Variants in ELAVL2 observed in about 807,000 individuals in gnomAD.
ELAVL2 encodes the protein ELAV-like protein 2.
Under a neutral mutation model 34.6 loss-of-function variants are expected in ELAVL2, and 4 were observed. The ratio of observed to expected loss-of-function variants is 0.12; its 90% confidence interval spans 0.06 to 0.26. ELAVL2 has a LOEUF of 0.26. Ranked by LOEUF, ELAVL2 falls within the 10% of genes least tolerant of loss-of-function variation. The probability of loss-of-function intolerance (pLI) is 1.00; values close to 1 mark genes in which losing one functional copy is unlikely to be tolerated. For synonymous variants in ELAVL2, 193 were observed against 154.8 expected (o/e 1.25, Z -1.83); for missense variants, 432 against 442.8 (o/e 0.98, Z 0.22).
At chr9:23,719,964 T>TACA (rs2043247156) in intron 3 of ELAVL2, among the ~76,000 whole-genome samples, 1 of 151,602 alleles carries the variant, frequency 6.6e-6, no homozygotes, top group African/African-American at 2.4e-5. Flanking sequence ...TAGCTGGGTT[T>TACA]ACAGGCACCT....
intron 1 of ELAVL2, among the ~76,000 whole-genome samples, chr9:23,799,244 CAAGCG>C (rs2061315148): frequency 6.6e-6 from 1 of 152,136 alleles, no homozygotes; most frequent in Admixed American, 6.5e-5. Context: ...GACTTCTTAA[CAAGCG>C]AAGTCAGGAG....
chr9:23,777,290 G>C (rs1292792877), intron 1 of ELAVL2, among the ~76,000 whole-genome samples: 1 of 152,044 alleles, frequency 6.6e-6, no homozygotes, highest in Non-Finnish European at 1.5e-5. Context: ...TCTTCTAAAG[G>C]GAACCATGAC....
intron 3 of ELAVL2, among the ~76,000 whole-genome samples, chr9:23,724,214 C>G (rs1329115326): frequency 6.6e-6 from 1 of 152,166 alleles, no homozygotes; most frequent in Non-Finnish European, 1.5e-5. Context: ...CCATCACTAT[C>G]CACTGTGTGG....
the ELAVL2 span, among the ~76,000 whole-genome samples, chr9:23,836,157 G>T: frequency 6.6e-6 from 1 of 152,186 alleles, no homozygotes; most frequent in African/African-American, 2.4e-5. Context: ...TGAAGATACT[G>T]TCGTAATAGA....
In ELAVL2 at chr9:23,704,918, C is replaced by G; in HGVS notation, c.487G>C (p.Gly163Arg). The G allele has an allele frequency of 6.2e-7, 1 of 1,613,990 alleles. No individual in the cohort carries two copies. Among genetic ancestry groups the G allele is most frequent in the African/African-American group, 1.3e-5 (1 of 75,010 alleles). ...TSRILVDQVT[G>R]ISRGVGFIRF... ...CTGTCCGGAGTGGCTGTCTACTTAC[C>G]AGTGACCTGGTCGACAAGAATACGA... Residue 163 changes from glycine to arginine, a missense_variant and splice_region_variant, in exon 4 of 7, where the codon GGC (glycine) becomes CGC (arginine). Coordinates refer to ENST00000397312, the MANE Select transcript of ELAVL2 (RefSeq NM_004432.5).
chr9:23,701,305 A>T, intron 5 of ELAVL2, 74 bp downstream of exon 5: 1 of 1,496,278 alleles, frequency 6.7e-7, no homozygotes, highest in East Asian at 2.3e-5. Flanking sequence ...TCCTGTCAAT[A>T]AAAGTACTGG....
intron 3 of ELAVL2, among the ~76,000 whole-genome samples, chr9:23,720,396 C>T (rs2043372427): frequency 6.7e-6 from 1 of 149,944 alleles, no homozygotes; most frequent in South Asian, 2.1e-4. Flanking sequence ...CAAGCTGATC[C>T]TGAACTTCTG....
intron 1 of ELAVL2, among the ~76,000 whole-genome samples, chr9:23,784,768 C>T (rs990433372): frequency 2.0e-5 from 3 of 152,190 alleles, no homozygotes; most frequent in Non-Finnish European, 2.9e-5. Flanking sequence ...CATTACATCA[C>T]ACTGCCAATT....
chr9:23,773,873 T>C (rs2057736094), intron 1 of ELAVL2, among the ~76,000 whole-genome samples: 1 of 152,138 alleles, frequency 6.6e-6, no homozygotes, highest in Non-Finnish European at 1.5e-5. Flanking sequence ...ATTATCATTA[T>C]TGCTGGACAA....
At position 23,721,297 on chromosome 9, in the gene ELAVL2, G is replaced by A. The variant is rs142235855; in HGVS notation, c.333+9725C>T. Among the ~76,000 whole-genome samples, 485 of 152,316 alleles carry A rather than the reference G, an allele frequency of 3.2e-3. 2 individuals are homozygous for A. Among genetic ancestry groups the A allele is most frequent in the African/African-American group, 0.011 (445 of 41,566 alleles). On this transcript the variant is annotated intron_variant, in intron 3 of 6. Coordinates refer to ENST00000397312, the MANE Select transcript of ELAVL2 (RefSeq NM_004432.5). The stretch of plus-strand genomic sequence containing the variant: ...AAAAGGCCACTGTGCTTGATTCTAT[G>A]AAGTTAGGAGCTTCTCTCAATGACT...
intron 2 of ELAVL2, among the ~76,000 whole-genome samples, chr9:23,756,498 A>G (rs2053586168): frequency 6.6e-6 from 1 of 152,164 alleles, no homozygotes; most frequent in South Asian, 2.1e-4. Context: ...TTTTAGAAGA[A>G]AGGAAAAATA....
At chr9:23,821,980 T>C (rs4977893) in intron 1 of ELAVL2, 33,069 of 151,320 alleles carry the variant, frequency 0.22, 3,983 homozygotes, top group East Asian at 0.38. Context: ...GGCAGGGAGA[T>C]GCCGGGCTTC....
At chr9:23,708,013 A>G (rs1450128694) in intron 3 of ELAVL2, among the ~76,000 whole-genome samples, 3 of 151,988 alleles carry the variant, frequency 2.0e-5, no homozygotes, top group Non-Finnish European at 4.4e-5. Context: ...GCTTATATAA[A>G]GGCTTTGAAA....
At chr9:23,720,280 C>CT (rs994977574) in intron 3 of ELAVL2, among the ~76,000 whole-genome samples, 6 of 151,736 alleles carry the variant, frequency 4.0e-5, no homozygotes, top group African/African-American at 1.5e-4. Context: ...TCAAGTAATT[C>CT]TCCCTGCCTC....
At chr9:23,829,609 G>T (rs981188667), upstream of ELAVL2, 1 of 152,170 alleles carries the variant, frequency 6.6e-6, no homozygotes, top group African/African-American at 2.4e-5. Flanking sequence ...TTTAATGTCT[G>T]CATGAGAAAT....
At chr9:23,768,380 A>G (rs981176709) in intron 1 of ELAVL2, among the ~76,000 whole-genome samples, 2 of 151,918 alleles carry the variant, frequency 1.3e-5, no homozygotes, top group African/African-American at 2.4e-5. Flanking sequence ...GGGCAAGAAC[A>G]GTTTCTTAAA....
chr9:23,837,366 T>A, the ELAVL2 span, among the ~76,000 whole-genome samples: 1 of 152,158 alleles, frequency 6.6e-6, no homozygotes. Flanking sequence ...GTCCTAGTAT[T>A]ATTTATCCCG....
At chr9:23,734,139 C>T (rs375230349) in intron 2 of ELAVL2, among the ~76,000 whole-genome samples, 16 of 152,246 alleles carry the variant, frequency 1.1e-4, no homozygotes, top group East Asian at 5.8e-4. Context: ...AACCTACCAT[C>T]GTTGGTGTAT....
intron 2 of ELAVL2, among the ~76,000 whole-genome samples, chr9:23,742,781 C>G (rs903269727): frequency 2.6e-5 from 4 of 152,156 alleles, no homozygotes; most frequent in Admixed American, 2.6e-4. Context: ...TTTTTCTTCT[C>G]TTTGTACAGG....
Sources: allele counts gnomAD v4.1 joint callset (sites outside exome capture counted in the v4.1 genomes callset), GRCh38; gene constraint gnomAD v4.1.1; transcripts MANE v1.5; gene names NCBI Gene and HGNC (gene_info 2026-07-23, HGNC 2026-07-21).